TPO: variants seen among roughly 807,000 people sequenced by gnomAD.
The protein encoded by TPO is thyroid microsomal antigen.
In TPO, 78 loss-of-function variants were observed where a neutral mutation model predicts 96.9. That is an observed-to-expected ratio of 0.81 (90% CI 0.67 to 0.97). TPO has a LOEUF of 0.97. TPO is among the 50% of genes least tolerant of loss of function. The probability of loss-of-function intolerance (pLI) is 0.00; values close to 1 mark genes in which losing one functional copy is unlikely to be tolerated. For synonymous variants in TPO, 547 were observed against 538.0 expected (o/e 1.02, Z -0.23); for missense variants, 1,252 against 1,274.8 (o/e 0.98, Z 0.27).
intron 5 of TPO, among the ~76,000 whole-genome samples, chr2:1,451,168 G>A (rs1373430533): frequency 6.6e-6 from 1 of 152,150 alleles, no homozygotes; most frequent in Admixed American, 6.5e-5. Flanking sequence ...GGAGCTGCGT[G>A]GTGGCCTTAG....
At chr2:1,505,096 G>C (rs1028225587) in intron 14 of TPO, among the ~76,000 whole-genome samples, 8 of 152,200 alleles carry the variant, frequency 5.3e-5, no homozygotes, top group African/African-American at 1.9e-4. Context: ...CCAGGGTCAA[G>C]GCCAGTTATC....
chr2:1,399,879 G>A (rs1484674301), intron 1 of TPO, among the ~76,000 whole-genome samples: 2 of 152,192 alleles, frequency 1.3e-5, no homozygotes, highest in Non-Finnish European at 2.9e-5. Flanking sequence ...TCCTTACATG[G>A]AAATCTTACT....
At chr2:1,486,617 A>G (rs987613857) in intron 9 of TPO, among the ~76,000 whole-genome samples, 2 of 152,386 alleles carry the variant, frequency 1.3e-5, no homozygotes, top group South Asian at 4.1e-4. Flanking sequence ...TAGAATGTTA[A>G]TGATGGGTTA....
rs1558282679 is a variant in TPO, at chr2:1,436,268, T to C, written c.366T>C (p.Asp122=). The C allele has an allele frequency of 1.2e-6, 2 of 1,614,090 alleles. No homozygotes were observed. The highest frequency in any genetic ancestry group is 1.7e-6 in the Non-Finnish European group (2 of 1,180,054). ...TTTTCACAGATGCTTTATCAGAAGATCTGCTGAGCATCATTGCAAACATGT... is the reference window on the plus strand; with the variant it reads ...TTTTCACAGATGCTTTATCAGAAGACCTGCTGAGCATCATTGCAAACATGT... ...SQHPTDALSE[D]LLSIIANMSG... Residue 122 remains aspartate (D), a synonymous_variant, in exon 5 of 17, where the codon GAT becomes GAC. Transcript: ENST00000329066.
intron 2 of TPO, among the ~76,000 whole-genome samples, chr2:1,420,376 T>C (rs552784374): frequency 6.6e-6 from 1 of 152,298 alleles, no homozygotes; most frequent in South Asian, 2.1e-4. Flanking sequence ...TGGTCGTGAA[T>C]AGCGCAGAAC....
At chr2:1,445,565 G>A (rs58638374) in intron 5 of TPO, among the ~76,000 whole-genome samples, 5,470 of 102,564 alleles carry the variant, frequency 0.053, 84 homozygotes, top group East Asian at 0.12. Context: ...GGAAGGGAAT[G>A]GGGCAGGCTC....
intron 15 of TPO, among the ~76,000 whole-genome samples, chr2:1,535,741 CAAATCCCCCCACTCTGTGCAACCTCCCG>C (rs1356802704): frequency 9.7e-6 from 1 of 103,052 alleles, no homozygotes; most frequent in Non-Finnish European, 2.1e-5. Flanking sequence ...GCAACCTCCC[CAAATCCCCCCACTCTGTGCAACCTCCCG>C]AAATCCCCCC....
chr2:1,536,208 C>T (rs1241801901), intron 15 of TPO, among the ~76,000 whole-genome samples: 2 of 30,550 alleles, frequency 6.5e-5, no homozygotes, highest in African/African-American at 2.4e-4. Flanking sequence ...TGCAACCTCC[C>T]GAAATCGCCC....
chr2:1,401,576 C>A (rs1662173191), intron 1 of TPO, among the ~76,000 whole-genome samples: 1 of 152,104 alleles, frequency 6.6e-6, no homozygotes, highest in Non-Finnish European at 1.5e-5. Flanking sequence ...CAGCTACAGC[C>A]CCATAGCTCC....
chr2:1,477,256 T>G lies in TPO; in HGVS notation c.990T>G (p.Tyr330Ter), dbSNP rs780109076. The change falls in exon 8 of 17, where the codon TAT becomes TAG. Residue 330 changes from tyrosine to a stop codon, truncating the protein, a stop_gained. Transcript: ENST00000329066. LOFTEE classifies it high-confidence loss of function. ...LTSFLDASTVYGSSPALERQL... is the reference protein window; with the variant it reads ...LTSFLDASTV The stretch of plus-strand genomic sequence containing the variant: ...CGTTCCTGGACGCGTCCACCGTGTA[T>G]GGCAGCTCCCCGGCCCTAGAGAGGC... 1 of 1,606,900 alleles carries G rather than the reference T, an allele frequency of 6.2e-7. No individual in the cohort carries two copies. Among genetic ancestry groups the G allele is most frequent in the South Asian group, 1.1e-5 (1 of 89,426 alleles).
intron 1 of TPO, among the ~76,000 whole-genome samples, chr2:1,398,460 G>A (rs1291684418): frequency 1.3e-5 from 2 of 152,152 alleles, no homozygotes; most frequent in Non-Finnish European, 2.9e-5. Flanking sequence ...GCCACCACCC[G>A]GCACCAGCTC....
At chr2:1,521,046 A>G (rs1214118187) in intron 15 of TPO, among the ~76,000 whole-genome samples, 3 of 152,004 alleles carry the variant, frequency 2.0e-5, no homozygotes, top group Non-Finnish European at 4.4e-5. Flanking sequence ...CTGAAATACA[A>G]TTTTTCAGGT....
chr2:1,467,350 C>A (rs1668997314), intron 7 of TPO, among the ~76,000 whole-genome samples: 1 of 152,122 alleles, frequency 6.6e-6, no homozygotes, highest in Admixed American at 6.6e-5. Flanking sequence ...GGTGATCCAC[C>A]AGCTCAGCCT....
chr2:1,511,831 G>A (rs908985812), intron 14 of TPO, among the ~76,000 whole-genome samples: 1 of 152,222 alleles, frequency 6.6e-6, no homozygotes, highest in South Asian at 2.1e-4. Flanking sequence ...TGGGGATTCA[G>A]CATGAGAATC....
At chr2:1,419,327 G>T (rs553947403) in intron 2 of TPO, among the ~76,000 whole-genome samples, 1 of 152,248 alleles carries the variant, frequency 6.6e-6, no homozygotes, top group Admixed American at 6.5e-5. Context: ...CCTCTTCCCT[G>T]GGATTGCTGG....
At chr2:1,439,207 G>T in intron 5 of TPO, 1 of 230,456 alleles carries the variant, frequency 4.3e-6, no homozygotes, top group Non-Finnish European at 8.5e-6. Flanking sequence ...GCTCCTGGGA[G>T]AATCTCTGCT....
At chr2:1,465,601 A>G (rs907376204) in intron 7 of TPO, among the ~76,000 whole-genome samples, 10 of 151,920 alleles carry the variant, frequency 6.6e-5, no homozygotes, top group African/African-American at 2.4e-4. Flanking sequence ...TTTTCCTTGT[A>G]GAGGTCTTTC....
chr2:1,390,014 CTTTT>C (rs1661975310), intron 1 of TPO, among the ~76,000 whole-genome samples: 1 of 143,256 alleles, frequency 7.0e-6, no homozygotes, highest in African/African-American at 2.7e-5. Context: ...TTATTTCTTT[CTTTT>C]CTTTTTTTTT....
At chr2:1,418,128 CA>C (rs897785287) in intron 2 of TPO, among the ~76,000 whole-genome samples, 1 of 151,076 alleles carries the variant, frequency 6.6e-6, no homozygotes. Flanking sequence ...ACTAAAAATA[CA>C]AAAAAAAATT....
Sources: allele counts gnomAD v4.1 joint callset (sites outside exome capture counted in the v4.1 genomes callset), GRCh38; gene constraint gnomAD v4.1.1; transcripts MANE v1.5; gene names NCBI Gene and HGNC (gene_info 2026-07-23, HGNC 2026-07-21).